Variants in USP6NL observed in about 807,000 individuals in gnomAD.
USP6NL encodes USP6 N-terminal-like protein.
In USP6NL, 26 loss-of-function variants were observed where a neutral mutation model predicts 61.9. That is an observed-to-expected ratio of 0.42 (90% confidence interval 0.31 to 0.58). The LOEUF is 0.58. USP6NL is among the 20% of genes least tolerant of loss of function. The pLI is 0.16. For missense variants in USP6NL, 1,114 were observed against 1,034.3 expected, an observed-to-expected ratio of 1.08 and a Z score of -1.06; for synonymous variants, 432 against 390.1, an observed-to-expected ratio of 1.11 and a Z score of -1.27.
Position 11,490,861 on chromosome 10 carries a change from C to T in USP6NL, c.514G>A (p.Val172Met). The change falls in exon 9 of 15, where the codon GTG (valine) becomes ATG (methionine). Residue 172 changes from valine to methionine, a missense_variant. By Grantham distance (21) the Val-to-Met change is conservative. Coordinates refer to ENST00000609104, the MANE Select transcript of USP6NL (RefSeq NM_014688.5). The surrounding 1 kb of genome is among the most constrained non-coding windows in gnomAD (Gnocchi z 4.5). ...TTATAAATAGAATAGGCAGCAAGCACATGGAATAAGGATTGTTGCCTAGAG... is the reference window on the plus strand; with the variant it reads ...TTATAAATAGAATAGGCAGCAAGCATATGGAATAAGGATTGTTGCCTAGAG... ...YGVKQQSLFH[V>M]LAAYSIYNTE... The T allele has an allele frequency of 6.5e-7, 1 of 1,549,492 alleles. No individual in the cohort carries two copies. Among genetic ancestry groups the T allele is most frequent in the South Asian group, 1.2e-5 (1 of 82,524 alleles).
Position 11,462,284 on chromosome 10 carries a change from T to G in USP6NL, c.*157A>C. The G allele has an allele frequency of 1.1e-6, 1 of 873,576 alleles. No homozygotes were observed. Among genetic ancestry groups the G allele is most frequent in the Non-Finnish European group, 1.7e-6 (1 of 590,224 alleles). 54.1% of individuals were successfully genotyped at this position (873,576 alleles called of 1,614,324 possible). ...ACGCTCATCTTAAGCAGCATCTACG[T>G]GGGGCTGAAGACATTTCCCTGTATT... is the stretch of plus-strand genomic sequence containing the variant. On this transcript the variant is annotated 3_prime_UTR_variant, in exon 15 of 15. Coordinates refer to ENST00000609104, the MANE Select transcript of USP6NL (RefSeq NM_014688.5).
At chr10:11,502,025 G>A (rs1300058510) in intron 6 of USP6NL, among the ~76,000 whole-genome samples, 3 of 152,092 alleles carry the variant, frequency 2.0e-5, no homozygotes, top group South Asian at 2.1e-4. Context: ...TTGGGAGGCC[G>A]AGGTGAGCAG....
intron 1 of USP6NL, among the ~76,000 whole-genome samples, chr10:11,599,763 C>G (rs1235208928): frequency 6.7e-6 from 1 of 148,254 alleles, no homozygotes; most frequent in Admixed American, 6.7e-5. Flanking sequence ...CGTAGTCTCG[C>G]TCTGTCGCCC....
At position 11,597,734 on chromosome 10, in the gene USP6NL, GAGAA is replaced by G; in HGVS notation, c.-83-21_-83-18del. 1.1e-6 allele frequency: 1 copy of G among 911,982 alleles called. No individual in the cohort carries two copies. Among genetic ancestry groups the G allele is most frequent in the East Asian group, 2.7e-5 (1 of 37,240 alleles). The allele number at this position is 911,982 out of a possible 1,614,324, so 56.5% of individuals were successfully genotyped here. On this transcript the variant is annotated intron_variant, in intron 1 of 14. Transcript: ENST00000609104. This position sits in a 1 kb window ranked among gnomAD's most constrained non-coding sequence, Gnocchi z 4.6. ...ATACATGTCCTAGTCAGGAAACAAA[GAGAA>G]AGAAATAGTATTTTCTAGAGGTCAA...
In USP6NL at chr10:11,501,134, A is replaced by C. The variant is rs775677752; in HGVS notation, c.351T>G (p.Pro117=). 1.9e-6 allele frequency: 3 copies of C among 1,613,024 alleles called. No individual in the cohort carries two copies. The highest frequency in any genetic ancestry group is 2.5e-6 in the Non-Finnish European group (3 of 1,179,546). Residue 117 remains proline (P), a synonymous_variant, in exon 7 of 15, where the codon CCT becomes CCG. Coordinates refer to ENST00000609104, the MANE Select transcript of USP6NL (RefSeq NM_014688.5). ...GGTCCCTTGTTTCTTCTTTCATTTT[A>C]GGGATCTCAAGAAGGAGGGCCCAGA... ...GEVWALLLEI[P]KMKEETRDLY...
rs1024739689 is a variant in USP6NL, at chr10:11,511,713, C to G, written c.196-2038G>C. ...TCATATATACAGATTATTTTAAATG[C>G]TATACATTCCCACGCTGCAAGAACA... On this transcript the variant is annotated intron_variant, in intron 5 of 14. Coordinates refer to ENST00000609104, the MANE Select transcript of USP6NL (RefSeq NM_014688.5). This position sits in a 1 kb window ranked among gnomAD's most constrained non-coding sequence, Gnocchi z 4.9. Among the ~76,000 whole-genome samples the G allele has an allele frequency of 6.6e-6, 1 of 151,926 alleles. No homozygotes were observed. Among genetic ancestry groups the G allele is most frequent in the Non-Finnish European group, 1.5e-5 (1 of 67,980 alleles).
intron 1 of USP6NL, among the ~76,000 whole-genome samples, chr10:11,603,690 C>CA (rs1413673987): frequency 6.6e-6 from 1 of 152,168 alleles, no homozygotes; most frequent in East Asian, 1.9e-4. Flanking sequence ...AGCTCCACAA[C>CA]ACGCAAAAAC....
rs554144385 is a variant in USP6NL, at chr10:11,464,736, G to A, written c.1079-887C>T. ...GGCAAATCCTATTCTGGAACAGCTG[G>A]CAGAACCCACGTTGTTCTTATACCT... is the stretch of plus-strand genomic sequence containing the variant. On this transcript the variant is annotated intron_variant, in intron 14 of 14. Coordinates refer to ENST00000609104, the MANE Select transcript of USP6NL (RefSeq NM_014688.5). Among the ~76,000 whole-genome samples the A allele has an allele frequency of 1.8e-4, 28 of 152,334 alleles. No homozygotes were observed. In the South Asian group the frequency reaches 4.6e-3, roughly 25 times the overall value.
chr10:11,536,214 G>A (rs1304381786), intron 2 of USP6NL, among the ~76,000 whole-genome samples: 1 of 152,148 alleles, frequency 6.6e-6, no homozygotes, highest in Non-Finnish European at 1.5e-5. Flanking sequence ...CCCTACCACT[G>A]GTGGTCCTGT....
At chr10:11,601,737 G>C (rs1350189369) in intron 1 of USP6NL, among the ~76,000 whole-genome samples, 1 of 152,176 alleles carries the variant, frequency 6.6e-6, no homozygotes, top group Non-Finnish European at 1.5e-5. Flanking sequence ...ACAAACACAA[G>C]TGATAGCCAT....
At chr10:11,477,470 A>G (rs1307155812) in intron 14 of USP6NL, among the ~76,000 whole-genome samples, 1 of 152,246 alleles carries the variant, frequency 6.6e-6, no homozygotes, top group East Asian at 1.9e-4. Flanking sequence ...CTTAGAAGAT[A>G]AATCAAAACA....
intron 5 of USP6NL, among the ~76,000 whole-genome samples, chr10:11,512,379 C>T (rs181102048): frequency 6.6e-6 from 1 of 152,278 alleles, no homozygotes; most frequent in Admixed American, 6.5e-5. Context: ...TGCTTCCATC[C>T]TGTCCTCTTC....
chr10:11,489,849 CTG>C lies in USP6NL; in HGVS notation c.544-629_544-628del, dbSNP rs1431773879. Among the ~76,000 whole-genome samples the C allele has an allele frequency of 5.9e-5, 9 of 152,222 alleles. No homozygotes were observed. Among genetic ancestry groups the C allele is most frequent in the African/African-American group, 1.7e-4 (7 of 41,450 alleles). On this transcript the variant is annotated intron_variant, in intron 9 of 14. Transcript: ENST00000609104. This position sits in a 1 kb window ranked among gnomAD's most constrained non-coding sequence, Gnocchi z 5.7. Reference sequence around the variant, plus strand: ...TATGAAATGTGAACAAAGCCAGAGACTGTAATCAGATGGGGGTACGTACTGGA... The same window carrying C: ...TATGAAATGTGAACAAAGCCAGAGACTAATCAGATGGGGGTACGTACTGGA...
At position 11,495,424 on chromosome 10, in the gene USP6NL, C is replaced by A. The variant is rs942158062; in HGVS notation, c.385-2196G>T. Among the ~76,000 whole-genome samples, 1 of 152,180 alleles carries A rather than the reference C, an allele frequency of 6.6e-6. No individual in the cohort carries two copies. Among genetic ancestry groups the A allele is most frequent in the African/African-American group, 2.4e-5 (1 of 41,444 alleles). ...CTTGCCTCAGCACCTGGATGGCTTGCCGCCCACACCCTCCCTCCATTCCCA... is the reference window on the plus strand; with the variant it reads ...CTTGCCTCAGCACCTGGATGGCTTGACGCCCACACCCTCCCTCCATTCCCA... On this transcript the variant is annotated intron_variant, in intron 7 of 14. Transcript: ENST00000609104. The surrounding 1 kb of genome is among the most constrained non-coding windows in gnomAD (Gnocchi z 4.6).
chr10:11,537,154 A>C lies in USP6NL; in HGVS notation c.5-9587T>G, dbSNP rs149788982. ...GAGACAAGGTCTCACTCTGCCGCCC[A>C]GACTGGAGTGCAGTGGCACGATCAC... On this transcript the variant is annotated intron_variant, in intron 2 of 14. Coordinates refer to ENST00000609104, the MANE Select transcript of USP6NL (RefSeq NM_014688.5). This position sits in a 1 kb window ranked among gnomAD's most constrained non-coding sequence, Gnocchi z 5.1. Among the ~76,000 whole-genome samples the C allele has an allele frequency of 2.5e-3, 387 of 152,332 alleles. 2 individuals are homozygous for C. Among genetic ancestry groups the C allele is most frequent in the African/African-American group, 8.4e-3 (350 of 41,580 alleles).
chr10:11,473,860 T>A (rs556908959), intron 14 of USP6NL, among the ~76,000 whole-genome samples: 1 of 152,212 alleles, frequency 6.6e-6, no homozygotes, highest in South Asian at 2.1e-4. Flanking sequence ...TTCCATCAGG[T>A]TCAAAGATTT....
Position 11,496,184 on chromosome 10 carries a change from C to T in USP6NL, c.385-2956G>A, listed in dbSNP as rs1237673011. 6.6e-6 allele frequency among the ~76,000 whole-genome samples: 1 copy of T among 152,242 alleles called. No homozygotes were observed. The highest frequency in any genetic ancestry group is 2.4e-5 in the African/African-American group (1 of 41,454). On this transcript the variant is annotated intron_variant, in intron 7 of 14. Transcript: ENST00000609104. This position sits in a 1 kb window ranked among gnomAD's most constrained non-coding sequence, Gnocchi z 5.4. ...GTCCAGAGGCCCTCTGTTTCATCCT[C>T]GCCAAATAACAAACCTCCAGTCTTG...
Position 11,463,933 on chromosome 10 carries a change from G to T in USP6NL, c.1079-84C>A. The T allele has an allele frequency of 7.7e-7, 1 of 1,292,254 alleles. No individual in the cohort carries two copies. Among genetic ancestry groups the T allele is most frequent in the Non-Finnish European group, 1.0e-6 (1 of 955,742 alleles). 80.0% of individuals were successfully genotyped at this position (1,292,254 alleles called of 1,614,324 possible). The stretch of plus-strand genomic sequence containing the variant: ...AGCAATCCATTAGTAACAATGGCAT[G>T]CTTTTCATCTGTGCACAGATACACG... On this transcript the variant is annotated intron_variant, in intron 14 of 14. Transcript: ENST00000609104. The surrounding 1 kb of genome is among the most constrained non-coding windows in gnomAD (Gnocchi z 6.3).
At chr10:11,466,739 A>G (rs1170928533) in intron 14 of USP6NL, among the ~76,000 whole-genome samples, 7 of 152,218 alleles carry the variant, frequency 4.6e-5, no homozygotes, top group Non-Finnish European at 1.5e-5. Flanking sequence ...TAGATGGCAC[A>G]GCCTACTGCA....
Sources: allele counts gnomAD v4.1 joint callset (sites outside exome capture counted in the v4.1 genomes callset), GRCh38; gene constraint gnomAD v4.1.1; non-coding constraint Gnocchi (gnomAD v3.1); transcripts MANE v1.5; gene names NCBI Gene and HGNC (gene_info 2026-07-23, HGNC 2026-07-21).